WNK3: variants seen among roughly 807,000 people sequenced by gnomAD.
WNK3 encodes serine/threonine-protein kinase WNK3.
Under a neutral mutation model 116.7 loss-of-function variants are expected in WNK3, and 18 were observed. The ratio of observed to expected loss-of-function variants is 0.15; its 90% CI spans 0.11 to 0.23. The LOEUF (loss-of-function observed/expected upper bound fraction) is 0.23. Ranked by LOEUF, WNK3 falls within the 10% of genes least tolerant of loss-of-function variation. WNK3 has a pLI of 1.00. For synonymous variants in WNK3, 404 were observed against 469.4 expected (o/e 0.86, Z 1.80); for missense variants, 993 against 1,323.8 (o/e 0.75, Z 3.88).
At chrX:54,289,126 T>C (rs2068610913) in intron 10 of WNK3, among the ~76,000 whole-genome samples, 1 of 111,565 alleles carries the variant, frequency 9.0e-6, no homozygotes, top group Non-Finnish European at 1.9e-5. Flanking sequence ...AAGCAGAGGT[T>C]GCACTAGATA....
intron 1 of WNK3, among the ~76,000 whole-genome samples, chrX:54,336,355 C>T (rs1329169623): frequency 1.2e-5 from 1 of 83,057 alleles, no homozygotes; most frequent in African/African-American, 4.5e-5. Flanking sequence ...CCCAAAAAAA[C>T]CCACAAGGTT....
At chrX:54,295,074 T>C (rs1219144632) in intron 7 of WNK3, among the ~76,000 whole-genome samples, 2 of 108,625 alleles carry the variant, frequency 1.8e-5, no homozygotes, top group Non-Finnish European at 3.8e-5. Context: ...TTTTTTTGTA[T>C]TTTTAGTAGG....
chrX:54,237,624 T>C, intron 19 of WNK3, 73 bp from the exon 20 acceptor site: 1 of 1,021,992 alleles, frequency 9.8e-7, no homozygotes, highest in Non-Finnish European at 1.3e-6. Flanking sequence ...GTATATGTAT[T>C]GATACTAGCA....
chrX:54,212,527 C>G (rs782713729), intron 22 of WNK3, among the ~76,000 whole-genome samples: 29 of 112,523 alleles, frequency 2.6e-4, no homozygotes, highest in Non-Finnish European at 5.4e-4. Flanking sequence ...GGTAAAAGAA[C>G]AGATGCTGAA....
At chrX:54,207,509 C>CTTTTTTT (rs782017192) in intron 22 of WNK3, among the ~76,000 whole-genome samples, 40 of 84,242 alleles carry the variant, frequency 4.7e-4, no homozygotes, top group Non-Finnish European at 5.6e-4. Context: ...GCCCATTTAT[C>CTTTTTTT]TTTTTTTTTT....
At chrX:54,349,718 C>T (rs1311910973) in intron 1 of WNK3, among the ~76,000 whole-genome samples, 3 of 111,141 alleles carry the variant, frequency 2.7e-5, no homozygotes, top group Non-Finnish European at 5.6e-5. Flanking sequence ...GTAAGTTAAA[C>T]AATGTGGTTT....
At chrX:54,247,216 T>G (rs1176848879) in intron 17 of WNK3, among the ~76,000 whole-genome samples, 1 of 111,674 alleles carries the variant, frequency 9.0e-6, no homozygotes, top group Non-Finnish European at 1.9e-5. Flanking sequence ...ATGAATTCAT[T>G]TGACCTTGAC....
chrX:54,238,476 C>T lies in WNK3; in HGVS notation c.3884-4G>A. On this transcript the variant is annotated splice_region_variant and splice_polypyrimidine_tract_variant and intron_variant, in intron 18 of 23. Transcript: ENST00000354646. Reference sequence around the variant, plus strand: ...GATCTCATCTCTTCTGTTTCCACTGCAAGTTTTGCCAAATTGTAAGTAAAA... The same window carrying T: ...GATCTCATCTCTTCTGTTTCCACTGTAAGTTTTGCCAAATTGTAAGTAAAA... 8.4e-7 allele frequency: 1 copy of T among 1,196,390 alleles called. No individual in the cohort carries two copies.
At chrX:54,349,211 G>A (rs1026272409) in intron 1 of WNK3, among the ~76,000 whole-genome samples, 3 of 111,464 alleles carry the variant, frequency 2.7e-5, no homozygotes, top group Admixed American at 9.6e-5. Flanking sequence ...GGTGGCGCAC[G>A]CCTGCAGTCC....
intron 1 of WNK3, among the ~76,000 whole-genome samples, chrX:54,340,274 C>A (rs2069303032): frequency 9.0e-6 from 1 of 111,302 alleles, no homozygotes; most frequent in Non-Finnish European, 1.9e-5. Context: ...AAGTATGTGC[C>A]AAATCATATA....
rs535002482 is a variant in WNK3 at position 54,243,010 on chromosome X, A to G, written c.3652-3911T>C. On this transcript the variant is annotated intron_variant, in intron 17 of 23. Coordinates refer to ENST00000354646, the Ensembl canonical transcript of WNK3. Reference sequence around the variant, plus strand: ...TTATTTTATAGAGATGGGGGGTCTCACTATGTTGACCAGGCTGGTCTTGAA... The same window carrying G: ...TTATTTTATAGAGATGGGGGGTCTCGCTATGTTGACCAGGCTGGTCTTGAA... Among the ~76,000 whole-genome samples, 40 of 110,616 alleles carry G rather than the reference A, an allele frequency of 3.6e-4. No homozygotes were observed. The South Asian group carries it at 0.015, about 43-fold the overall frequency.
chrX:54,244,702 T>C (rs1321594085), intron 17 of WNK3, among the ~76,000 whole-genome samples: 6 of 112,177 alleles, frequency 5.3e-5, no homozygotes, highest in African/African-American at 1.6e-4. Flanking sequence ...CCTTATCTTA[T>C]GTAAAGTGCT....
intron 2 of WNK3, among the ~76,000 whole-genome samples, chrX:54,314,632 A>T (rs2068930068): frequency 9.1e-6 from 1 of 110,269 alleles, no homozygotes; most frequent in Non-Finnish European, 1.9e-5. Flanking sequence ...AGCCGGGCAT[A>T]GTGGTGTATG....
intron 10 of WNK3, among the ~76,000 whole-genome samples, chrX:54,283,552 G>A (rs1392593640): frequency 7.2e-5 from 8 of 110,385 alleles, no homozygotes; most frequent in Non-Finnish European, 1.5e-4. Context: ...GGTGGATCAC[G>A]AGGTCAGGAG....
At chrX:54,300,637 T>C (rs1321012710) in intron 6 of WNK3, among the ~76,000 whole-genome samples, 2 of 111,835 alleles carry the variant, frequency 1.8e-5, no homozygotes, top group Non-Finnish European at 1.9e-5. Flanking sequence ...TCTTTGGTAA[T>C]AGAACATATT....
intron 19 of WNK3, 86 bp downstream of exon 19, chrX:54,238,256 G>C: frequency 9.7e-7 from 1 of 1,033,923 alleles, no homozygotes; most frequent in Non-Finnish European, 1.3e-6. Context: ...AACAAAAATG[G>C]AAGTATCATC....
At chrX:54,215,973 T>C (rs1264308443) in intron 22 of WNK3, among the ~76,000 whole-genome samples, 3 of 111,039 alleles carry the variant, frequency 2.7e-5, no homozygotes, top group African/African-American at 9.8e-5. Context: ...TAATCTATAA[T>C]CTTACCCCCA....
chrX:54,219,860 T>C (rs2067742874), intron 22 of WNK3, among the ~76,000 whole-genome samples: 1 of 110,870 alleles, frequency 9.0e-6, no homozygotes, highest in Admixed American at 9.8e-5. Flanking sequence ...AAGAAGTGTG[T>C]CTTGTGAAAA....
chrX:54,211,965 G>A (rs1416508222), intron 22 of WNK3, among the ~76,000 whole-genome samples: 1 of 109,756 alleles, frequency 9.1e-6, no homozygotes, highest in Admixed American at 9.7e-5. Flanking sequence ...TGTGGCTTAC[G>A]CCTGTAATCC....
Sources: allele counts gnomAD v4.1 joint callset (sites outside exome capture counted in the v4.1 genomes callset), GRCh38; gene constraint gnomAD v4.1.1; transcripts MANE v1.5; gene names NCBI Gene and HGNC (gene_info 2026-07-23, HGNC 2026-07-21).